The following B3GAT2 variants were observed in gnomAD, a reference collection of about 807,000 sequenced individuals.
B3GAT2 encodes galactosylgalactosylxylosylprotein 3-beta-glucuronosyltransferase 2.
A neutral mutation model predicts 27.8 loss-of-function variants in B3GAT2; 26 were observed. The observed-to-expected ratio is 0.93, with a 90% CI of 0.68 to 1.30. The LOEUF (loss-of-function observed/expected upper bound fraction) is 1.30, where lower values mean the gene tolerates loss of function less well. Ranked by LOEUF, B3GAT2 falls within the 50% of genes most tolerant of loss-of-function variation. The probability of loss-of-function intolerance (pLI) is 0.00; values close to 1 mark genes in which losing one functional copy is unlikely to be tolerated. For missense variants in B3GAT2, 458 were observed against 459.0 expected (o/e 1.00, Z 0.02); for synonymous variants, 218 against 195.1 (o/e 1.12, Z -0.98).
At chr6:70,934,611 C>A (rs1773112738) in intron 1 of B3GAT2, among the ~76,000 whole-genome samples, 1 of 152,256 alleles carries the variant, frequency 6.6e-6, no homozygotes, top group African/African-American at 2.4e-5. Context: ...GACCTAATAT[C>A]ATTAATAAAT....
rs1002402564 is a variant in B3GAT2 at position 70,902,669 on chromosome 6, T to C, written c.592-8397A>G. Among the ~76,000 whole-genome samples the C allele has an allele frequency of 1.7e-3, 255 of 147,844 alleles. 1 individual carries two copies. The highest frequency in any genetic ancestry group is 6.3e-3 in the African/African-American group (246 of 38,848). On this transcript the variant is annotated intron_variant, in intron 1 of 3. Transcript: ENST00000230053. ...ACACACACACACACACACACACATA[T>C]ATATATATACACATAAACACAATAG... is the stretch of plus-strand genomic sequence containing the variant.
At chr6:70,941,204 CAT>C (rs1364654767) in intron 1 of B3GAT2, among the ~76,000 whole-genome samples, 1 of 152,092 alleles carries the variant, frequency 6.6e-6, no homozygotes, top group Non-Finnish European at 1.5e-5. Flanking sequence ...CCTCTAGAAA[CAT>C]AGTCCAGATG....
chr6:70,902,946 A>G (rs765723684), intron 1 of B3GAT2, among the ~76,000 whole-genome samples: 46 of 151,986 alleles, frequency 3.0e-4, no homozygotes, highest in Non-Finnish European at 5.3e-4. Flanking sequence ...CTTAGAAGGA[A>G]TAAGTTCAAG....
intron 1 of B3GAT2, among the ~76,000 whole-genome samples, chr6:70,894,694 C>T (rs1453390696): frequency 6.6e-6 from 1 of 152,308 alleles, no homozygotes; most frequent in South Asian, 2.1e-4. Context: ...GTCACAGGAG[C>T]GTCCTTTCTC....
At chr6:70,886,113 G>A (rs1428289524) in intron 2 of B3GAT2, among the ~76,000 whole-genome samples, 4 of 152,158 alleles carry the variant, frequency 2.6e-5, no homozygotes, top group African/African-American at 9.7e-5. Flanking sequence ...CATTTTCCCT[G>A]TTCTGCAGAT....
At chr6:70,910,686 T>C (rs1475653016) in intron 1 of B3GAT2, among the ~76,000 whole-genome samples, 3 of 152,234 alleles carry the variant, frequency 2.0e-5, no homozygotes, top group Admixed American at 6.5e-5. Flanking sequence ...TTTGGGCATA[T>C]ACCCAATAAG....
rs1765666135 is a variant in B3GAT2, at chr6:70,956,836, T to TG, written c.-408dup. On this transcript the variant is annotated 5_prime_UTR_variant, in exon 1 of 4. Coordinates refer to ENST00000230053, the MANE Select transcript of B3GAT2 (RefSeq NM_080742.3). ...CCTCGCCGCTCCAGTCCGGCGGTGC[T>TG]GCGGGCACAAGGGCTCCAGCCGCGG... The TG allele has an allele frequency of 2.4e-5, 25 of 1,059,674 alleles. No homozygotes were observed. Among genetic ancestry groups the TG allele is most frequent in the Non-Finnish European group, 2.9e-5 (25 of 877,060 alleles). 65.6% of individuals were successfully genotyped at this position (1,059,674 alleles called of 1,614,324 possible). A position where few individuals can be genotyped will look rare whatever the true frequency, so the allele number is the denominator to read the frequency against.
intron 1 of B3GAT2, among the ~76,000 whole-genome samples, chr6:70,941,486 G>C (rs1176397012): frequency 1.1e-4 from 17 of 152,074 alleles, no homozygotes; most frequent in Admixed American, 1.1e-3. Flanking sequence ...CGTGTGAAGA[G>C]GCCAAATACT....
At position 70,956,776 on chromosome 6, in the gene B3GAT2, T is replaced by C; in HGVS notation, c.-347A>G. ...GCGCTGATCCCCACCGCGCTCTTTC[T>C]GAAGAGTGGAAGCCGAGAAGCGGCA... On this transcript the variant is annotated 5_prime_UTR_variant, in exon 1 of 4. Transcript: ENST00000230053. The C allele has an allele frequency of 8.7e-7, 1 of 1,153,682 alleles. No individual in the cohort carries two copies. Among genetic ancestry groups the C allele is most frequent in the Non-Finnish European group, 1.1e-6 (1 of 935,766 alleles). 71.5% of individuals were successfully genotyped at this position (1,153,682 alleles called of 1,614,324 possible). A position where few individuals can be genotyped will look rare whatever the true frequency, so the allele number is the denominator to read the frequency against.
intron 1 of B3GAT2, among the ~76,000 whole-genome samples, chr6:70,904,255 G>A (rs1772559248): frequency 6.6e-6 from 1 of 152,196 alleles, no homozygotes; most frequent in Non-Finnish European, 1.5e-5. Context: ...GGTCATAGGT[G>A]ACAGGGTGAC....
chr6:70,914,855 G>C (rs544155613), intron 1 of B3GAT2, among the ~76,000 whole-genome samples: 1 of 152,226 alleles, frequency 6.6e-6, no homozygotes, highest in Non-Finnish European at 1.5e-5. Flanking sequence ...AAATAGTGCT[G>C]CAATAAACAT....
At chr6:70,887,135 T>C (rs2150028702) in intron 2 of B3GAT2, among the ~76,000 whole-genome samples, 1 of 152,350 alleles carries the variant, frequency 6.6e-6, no homozygotes, top group South Asian at 2.1e-4. Context: ...GACAATTCCC[T>C]CCATTTTCTT....
intron 1 of B3GAT2, among the ~76,000 whole-genome samples, chr6:70,927,478 G>T (rs975388463): frequency 1.3e-5 from 2 of 152,162 alleles, no homozygotes; most frequent in Non-Finnish European, 2.9e-5. Context: ...AGGGATGGAG[G>T]AAGATCTACC....
Position 70,948,940 on chromosome 6 carries a change from A to T in B3GAT2, c.591+6899T>A, listed in dbSNP as rs1765535249. 2.6e-5 allele frequency among the ~76,000 whole-genome samples: 4 copies of T among 152,120 alleles called. No individual in the cohort carries two copies. In the South Asian group the frequency reaches 8.3e-4, roughly 32 times the overall value. On this transcript the variant is annotated intron_variant, in intron 1 of 3. Transcript: ENST00000230053. The stretch of plus-strand genomic sequence containing the variant: ...AACTATCTGATCTTTGACAAACCTG[A>T]GAAAAACAAGCAATGGGGAAAGGAT...
intron 2 of B3GAT2, among the ~76,000 whole-genome samples, chr6:70,884,859 T>G (rs555142653): frequency 6.6e-6 from 1 of 152,324 alleles, no homozygotes; most frequent in South Asian, 2.1e-4. Context: ...TGAACTGATG[T>G]GCAGAGTGTT....
chr6:70,931,133 A>G (rs755476631), intron 1 of B3GAT2, among the ~76,000 whole-genome samples: 1 of 152,018 alleles, frequency 6.6e-6, no homozygotes. Flanking sequence ...GAACTGAACA[A>G]TGAGAACACT....
rs1448693069 is a variant in B3GAT2 at position 70,937,558 on chromosome 6, T to A, written c.591+18281A>T. 7.0e-4 allele frequency among the ~76,000 whole-genome samples: 106 copies of A among 152,260 alleles called. 1 individual carries two copies. The highest frequency in any genetic ancestry group is 1.1e-3 in the Non-Finnish European group (72 of 68,010). On this transcript the variant is annotated intron_variant, in intron 1 of 3. Coordinates refer to ENST00000230053, the MANE Select transcript of B3GAT2 (RefSeq NM_080742.3). ...ACATCAAAAAGCTTATTCACCATGA[T>A]CAAGTGGGCTTCATCCCTGGGATGC...
chr6:70,940,169 A>C (rs1047416357), intron 1 of B3GAT2, among the ~76,000 whole-genome samples: 2 of 152,018 alleles, frequency 1.3e-5, no homozygotes, highest in Admixed American at 6.6e-5. Flanking sequence ...CCCTCGCCCC[A>C]CACACACACC....
intron 1 of B3GAT2, among the ~76,000 whole-genome samples, chr6:70,914,376 T>A (rs1772734495): frequency 6.6e-6 from 1 of 152,150 alleles, no homozygotes; most frequent in African/African-American, 2.4e-5. Context: ...AGTGAGAACA[T>A]GCGGTGTTTG....
Sources: allele counts gnomAD v4.1 joint callset (sites outside exome capture counted in the v4.1 genomes callset), GRCh38; gene constraint gnomAD v4.1.1; transcripts MANE v1.5; gene names NCBI Gene and HGNC (gene_info 2026-07-23, HGNC 2026-07-21).